SH3GL2: variants seen among roughly 807,000 people sequenced by gnomAD.
SH3GL2 encodes SH3 domain containing GRB2 like 2, endophilin A1, also known as endophilin-A1.
In SH3GL2, 24 loss-of-function variants were observed where a neutral mutation model predicts 46.0. The observed-to-expected ratio is 0.52, with a 90% CI of 0.38 to 0.73. The LOEUF is 0.73. Among genes scored for constraint, SH3GL2 ranks in the 30% least tolerant of loss-of-function variants. The probability of loss-of-function intolerance (pLI) is 0.00; values close to 1 mark genes in which losing one functional copy is unlikely to be tolerated. For missense variants in SH3GL2, 413 were observed against 424.2 expected (o/e 0.97, Z 0.23); for synonymous variants, 196 against 147.1 (o/e 1.33, Z -2.40).
At chr9:17,606,380 C>T (rs1400949441) in intron 1 of SH3GL2, among the ~76,000 whole-genome samples, 1 of 152,184 alleles carries the variant, frequency 6.6e-6, no homozygotes, top group Non-Finnish European at 1.5e-5. Flanking sequence ...CGTAAGCCAC[C>T]ATGCCCGCTC....
intron 1 of SH3GL2, among the ~76,000 whole-genome samples, chr9:17,681,915 A>T (rs779452463): frequency 6.6e-6 from 1 of 152,232 alleles, no homozygotes; most frequent in Non-Finnish European, 1.5e-5. Flanking sequence ...TCAAAAGAAG[A>T]CATGTGGCCA....
chr9:17,683,725 A>G (rs1189826773), intron 1 of SH3GL2, among the ~76,000 whole-genome samples: 1 of 152,036 alleles, frequency 6.6e-6, no homozygotes, highest in Non-Finnish European at 1.5e-5. Context: ...GAGTGGGGAG[A>G]ACATGGAGAA....
intron 1 of SH3GL2, among the ~76,000 whole-genome samples, chr9:17,742,340 G>A (rs866742234): frequency 3.3e-5 from 5 of 152,220 alleles, no homozygotes; most frequent in Middle Eastern, 3.4e-3. Flanking sequence ...ACATCCTTTG[G>A]GCTGAGAACA....
chr9:17,619,274 C>T (rs1819076947), intron 1 of SH3GL2, among the ~76,000 whole-genome samples: 1 of 152,134 alleles, frequency 6.6e-6, no homozygotes, highest in Non-Finnish European at 1.5e-5. Context: ...GGATGTATTT[C>T]CTTATAGCCT....
chr9:17,739,620 A>G (rs1004311073), intron 1 of SH3GL2, among the ~76,000 whole-genome samples: 3 of 14,526 alleles, frequency 2.1e-4, no homozygotes, highest in African/African-American at 8.5e-4. Flanking sequence ...GAGAAATGCC[A>G]GTTAATTTTA....
chr9:17,783,928 GC>G (rs1337120530), intron 3 of SH3GL2, among the ~76,000 whole-genome samples: 1 of 152,016 alleles, frequency 6.6e-6, no homozygotes, highest in Non-Finnish European at 1.5e-5. Flanking sequence ...TATTTTCCAG[GC>G]TCACTCTCAG....
intron 1 of SH3GL2, among the ~76,000 whole-genome samples, chr9:17,720,698 G>T (rs548814212): frequency 1.3e-5 from 2 of 152,068 alleles, no homozygotes; most frequent in Admixed American, 6.6e-5. Flanking sequence ...TTAACAAGGT[G>T]AAATAAGATA....
At chr9:17,772,795 C>A (rs890075231) in intron 3 of SH3GL2, among the ~76,000 whole-genome samples, 1 of 152,128 alleles carries the variant, frequency 6.6e-6, no homozygotes, top group Non-Finnish European at 1.5e-5. Context: ...AATAATGCTT[C>A]TATGACCATG....
At position 17,714,579 on chromosome 9, in the gene SH3GL2, T is replaced by G. The variant is rs112398486; in HGVS notation, c.46-32487T>G. Among the ~76,000 whole-genome samples, 458 of 151,908 alleles carry G rather than the reference T, an allele frequency of 3.0e-3. 8 individuals carry two copies. Among genetic ancestry groups the G allele is most frequent in the African/African-American group, 0.01 (416 of 41,546 alleles). On this transcript the variant is annotated intron_variant, in intron 1 of 8. Transcript: ENST00000380607. ...CCTAGATGGTCTATAACATTGATCT[T>G]TAACATCACAGTTTAAGTGATATTT...
At chr9:17,690,132 G>A (rs1441724348) in intron 1 of SH3GL2, among the ~76,000 whole-genome samples, 1 of 152,052 alleles carries the variant, frequency 6.6e-6, no homozygotes, top group Non-Finnish European at 1.5e-5. Flanking sequence ...CTTCTGGATT[G>A]CCAAAACTGC....
chr9:17,772,285 C>G (rs1823506812), intron 3 of SH3GL2, among the ~76,000 whole-genome samples: 1 of 152,128 alleles, frequency 6.6e-6, no homozygotes, highest in East Asian at 1.9e-4. Context: ...CTATATTAGA[C>G]TTCACAAATT....
intron 1 of SH3GL2, among the ~76,000 whole-genome samples, chr9:17,585,588 C>T (rs1187264296): frequency 6.6e-6 from 1 of 152,124 alleles, no homozygotes; most frequent in Non-Finnish European, 1.5e-5. Flanking sequence ...GGTGACAGCT[C>T]TGAGAGCAGG....
chr9:17,683,243 G>T lies in SH3GL2; in HGVS notation c.46-63823G>T, dbSNP rs145437042. Among the ~76,000 whole-genome samples, 718 of 152,222 alleles carry T rather than the reference G, an allele frequency of 4.7e-3. 9 individuals are homozygous for T. The highest frequency in any genetic ancestry group is 0.017 in the African/African-American group (688 of 41,556). On this transcript the variant is annotated intron_variant, in intron 1 of 8. Coordinates refer to ENST00000380607, the MANE Select transcript of SH3GL2 (RefSeq NM_003026.5). ...AGGAGAATTCAGTTACATGCAGGCAGTTCTCTACAGACCTCACCTTGTGCT... is the reference window on the plus strand; with the variant it reads ...AGGAGAATTCAGTTACATGCAGGCATTTCTCTACAGACCTCACCTTGTGCT...
intron 1 of SH3GL2, among the ~76,000 whole-genome samples, chr9:17,648,111 GT>G (rs1255353816): frequency 6.6e-6 from 1 of 152,136 alleles, no homozygotes; most frequent in Non-Finnish European, 1.5e-5. Context: ...GTTCATAACT[GT>G]TTGTGTTATT....
At chr9:17,784,465 C>G (rs142885214) in intron 3 of SH3GL2, among the ~76,000 whole-genome samples, 2 of 152,104 alleles carry the variant, frequency 1.3e-5, no homozygotes, top group Non-Finnish European at 2.9e-5. Flanking sequence ...TCCTTCTATT[C>G]ATTCTGTGTG....
At chr9:17,752,315 T>G (rs1053789655) in intron 2 of SH3GL2, among the ~76,000 whole-genome samples, 1 of 152,166 alleles carries the variant, frequency 6.6e-6, no homozygotes, top group African/African-American at 2.4e-5. Context: ...TCTCAGTACT[T>G]TAAGTGGGTG....
At chr9:17,793,013 A>G (rs1824178611) in intron 7 of SH3GL2, among the ~76,000 whole-genome samples, 1 of 152,226 alleles carries the variant, frequency 6.6e-6, no homozygotes, top group Non-Finnish European at 1.5e-5. Flanking sequence ...AGAATGGGGT[A>G]TGCATCCCCT....
intron 1 of SH3GL2, among the ~76,000 whole-genome samples, chr9:17,614,258 A>G (rs1308581126): frequency 1.7e-5 from 2 of 116,916 alleles, no homozygotes; most frequent in South Asian, 3.1e-4. Flanking sequence ...GCATATGTGT[A>G]TTTGTGTGTG....
intron 1 of SH3GL2, among the ~76,000 whole-genome samples, chr9:17,692,351 A>T (rs1821103516): frequency 6.6e-6 from 1 of 151,840 alleles, no homozygotes; most frequent in Admixed American, 6.6e-5. Flanking sequence ...GCTTGTAAAT[A>T]TTACTTGGAG....
Sources: gnomAD v4.1 joint callset for allele counts (sites outside exome capture counted in the v4.1 genomes callset) on GRCh38, gnomAD v4.1.1 for gene constraint, MANE v1.5 for transcripts, NCBI Gene and HGNC (gene_info 2026-07-23, HGNC 2026-07-21) for gene names.